SMIM14: variants seen among roughly 807,000 people sequenced by gnomAD.
SMIM14 encodes the protein small integral membrane protein 14.
A neutral mutation model predicts 12.6 loss-of-function variants in SMIM14; 5 were observed. The observed-to-expected ratio is 0.40, with a 90% CI of 0.21 to 0.83. SMIM14 has a LOEUF of 0.83. Ranked by LOEUF, SMIM14 falls within the 40% of genes least tolerant of loss-of-function variation. SMIM14 has a pLI of 0.37. For synonymous variants in SMIM14, 30 were observed against 40.1 expected (o/e 0.75, Z 0.95); for missense variants, 86 against 119.1 (o/e 0.72, Z 1.29).
At chr4:39,567,761 G>A (rs1387990284) in intron 3 of SMIM14, among the ~76,000 whole-genome samples, 1 of 151,812 alleles carries the variant, frequency 6.6e-6, no homozygotes, top group Non-Finnish European at 1.5e-5. Context: ...AAAAAAATTA[G>A]CTGGGCATGG....
Position 39,620,447 on chromosome 4 carries a change from T to G in SMIM14, c.-35-15267A>C, listed in dbSNP as rs576942543. ...TGAGCCGGAGATCGCGCCACTGCAC[T>G]CCATCCTGGGCGAGAGAGATAGACT... On this transcript the variant is annotated intron_variant, in intron 1 of 4. Transcript: ENST00000295958. Among the ~76,000 whole-genome samples, 5 of 152,150 alleles carry G rather than the reference T, an allele frequency of 3.3e-5. No homozygotes were observed. The South Asian group carries it at 1.0e-3, about 32-fold the overall frequency.
chr4:39,565,534 T>C (rs1196499837), intron 3 of SMIM14, among the ~76,000 whole-genome samples: 1 of 152,138 alleles, frequency 6.6e-6, no homozygotes, highest in African/African-American at 2.4e-5. Context: ...ATGTTGCCTA[T>C]GCTGGTCTTG....
intron 3 of SMIM14, among the ~76,000 whole-genome samples, chr4:39,560,437 A>T (rs1048576298): frequency 1.6e-4 from 24 of 151,814 alleles, no homozygotes; most frequent in Non-Finnish European, 2.9e-4. Flanking sequence ...GCCTCCGAAA[A>T]TGCTGGGATT....
At chr4:39,570,239 C>T (rs1250606370) in intron 3 of SMIM14, among the ~76,000 whole-genome samples, 5 of 152,036 alleles carry the variant, frequency 3.3e-5, no homozygotes, top group Non-Finnish European at 7.4e-5. Flanking sequence ...CAGCTTACTG[C>T]AACCTCTGCC....
intron 1 of SMIM14, among the ~76,000 whole-genome samples, chr4:39,613,784 A>AC (rs1468312312): frequency 1.3e-5 from 2 of 152,202 alleles, no homozygotes; most frequent in African/African-American, 4.8e-5. Context: ...TGCTAATACC[A>AC]AAGTCACGGG....
intron 2 of SMIM14, 85 bp from the exon 3 acceptor site, chr4:39,572,548 G>A: frequency 8.5e-7 from 1 of 1,176,956 alleles, no homozygotes; most frequent in Non-Finnish European, 1.3e-6. Flanking sequence ...TTTTGGCCGG[G>A]TGCGGTGGCT....
intron 1 of SMIM14, among the ~76,000 whole-genome samples, chr4:39,625,315 C>G (rs184770239): frequency 3.5e-4 from 53 of 151,864 alleles, no homozygotes; most frequent in Non-Finnish European, 6.5e-4. Context: ...TAAAGCTATA[C>G]CTGGGAGAAG....
intron 2 of SMIM14, among the ~76,000 whole-genome samples, chr4:39,577,563 G>T (rs1357407100): frequency 6.6e-6 from 1 of 151,808 alleles, no homozygotes; most frequent in East Asian, 1.9e-4. Context: ...AAGTAGCTGA[G>T]ATTACAGACC....
intron 1 of SMIM14, among the ~76,000 whole-genome samples, chr4:39,606,163 T>C (rs948322100): frequency 6.6e-6 from 1 of 151,160 alleles, no homozygotes; most frequent in Non-Finnish European, 1.5e-5. Flanking sequence ...CTGGGCAACC[T>C]AGTGAGACCT....
chr4:39,620,092 G>A (rs1385032737), intron 1 of SMIM14, among the ~76,000 whole-genome samples: 1 of 150,798 alleles, frequency 6.6e-6, no homozygotes, highest in Non-Finnish European at 1.5e-5. Context: ...TGTAATCCCA[G>A]CACTTTGGGA....
intron 2 of SMIM14, among the ~76,000 whole-genome samples, chr4:39,573,025 G>C (rs910205718): frequency 6.6e-6 from 1 of 151,666 alleles, no homozygotes; most frequent in Admixed American, 6.6e-5. Context: ...TCACTTTGTA[G>C]AGATGGGGGT....
intron 1 of SMIM14, among the ~76,000 whole-genome samples, chr4:39,606,478 T>C (rs1450059410): frequency 6.6e-6 from 1 of 151,600 alleles, no homozygotes; most frequent in African/African-American, 2.4e-5. Flanking sequence ...CCGTCTCTAC[T>C]AAAAATACAA....
chr4:39,628,523 A>T lies in SMIM14; in HGVS notation c.-36+10216T>A, dbSNP rs555810294. On this transcript the variant is annotated intron_variant, in intron 1 of 4. Coordinates refer to ENST00000295958, the MANE Select transcript of SMIM14 (RefSeq NM_174921.3). ...CCCCGTCTCTACTAAAAATATTTTT[A>T]AAAAAATTAGCCGGGCATAGTGGCA... Among the ~76,000 whole-genome samples the T allele has an allele frequency of 1.2e-3, 178 of 151,286 alleles. 4 individuals are homozygous for T. The South Asian group carries it at 0.02, about 17-fold the overall frequency.
At chr4:39,619,852 A>G (rs1352829585) in intron 1 of SMIM14, among the ~76,000 whole-genome samples, 2 of 56,466 alleles carry the variant, frequency 3.5e-5, no homozygotes, top group Admixed American at 1.7e-4. Context: ...ATATATATTT[A>G]TATATATTTA....
At chr4:39,636,480 C>T (rs1716095048) in intron 1 of SMIM14, among the ~76,000 whole-genome samples, 1 of 152,076 alleles carries the variant, frequency 6.6e-6, no homozygotes, top group East Asian at 1.9e-4. Context: ...TAAAACCATG[C>T]TTTTAATAAT....
intron 3 of SMIM14, among the ~76,000 whole-genome samples, chr4:39,562,802 T>TAC (rs1712375939): frequency 7.9e-6 from 1 of 126,502 alleles, no homozygotes; most frequent in African/African-American, 4.4e-5. Context: ...CGACCCCACC[T>TAC]GACCCTAATT....
chr4:39,636,030 G>A (rs1464429024), intron 1 of SMIM14, among the ~76,000 whole-genome samples: 6 of 151,794 alleles, frequency 4.0e-5, no homozygotes, highest in East Asian at 1.9e-4. Context: ...AAAATTAGTC[G>A]GGCGTGATGG....
chr4:39,581,833 G>GATTAC (rs1261257592), intron 2 of SMIM14, among the ~76,000 whole-genome samples: 1 of 150,990 alleles, frequency 6.6e-6, no homozygotes, highest in African/African-American at 2.4e-5. Flanking sequence ...AAAGTGCTGG[G>GATTAC]ATTACAGGCG....
chr4:39,561,195 C>G (rs922015017), intron 3 of SMIM14, among the ~76,000 whole-genome samples: 12 of 152,198 alleles, frequency 7.9e-5, no homozygotes, highest in Non-Finnish European at 8.8e-5. Flanking sequence ...CTGAAATGTT[C>G]CAATGAGCAT....
Sources: allele counts gnomAD v4.1 joint callset (sites outside exome capture counted in the v4.1 genomes callset), GRCh38; gene constraint gnomAD v4.1.1; transcripts MANE v1.5; gene names NCBI Gene and HGNC (gene_info 2026-07-23, HGNC 2026-07-21).